The following NECTIN2 variants were observed in gnomAD, a reference collection of about 807,000 sequenced individuals.
The protein encoded by NECTIN2 is nectin cell adhesion molecule 2.
NECTIN2 carries 23 observed loss-of-function variants against 56.9 expected under a neutral mutation model. That is an observed-to-expected ratio of 0.40 (90% CI 0.29 to 0.57). NECTIN2 has a LOEUF of 0.57. NECTIN2 is among the 20% of genes least tolerant of loss of function. The pLI, the probability that NECTIN2 is intolerant of heterozygous loss-of-function variation, is 0.38. For missense variants in NECTIN2, 587 were observed against 718.3 expected, an observed-to-expected ratio of 0.82 and a Z score of 2.09; for synonymous variants, 302 against 313.8, an observed-to-expected ratio of 0.96 and a Z score of 0.40.
rs1442525304 is a variant in NECTIN2, at chr19:44,874,561, G to C, written c.1042+83G>C. The C allele has an allele frequency of 5.8e-6, 9 of 1,554,456 alleles. No homozygotes were observed. Among genetic ancestry groups the C allele is most frequent in the Non-Finnish European group, 6.1e-6 (7 of 1,143,206 alleles). On this transcript the variant is annotated intron_variant, in intron 5 of 8. Transcript: ENST00000252483. This position sits in a 1 kb window ranked among gnomAD's most constrained non-coding sequence, Gnocchi z 6.3. Reference sequence around the variant, plus strand: ...CCCTTCAGGACTTGGGGCTGCACTGGGGGAGGCTGCGCCGCCGACCTGGGA... The same window carrying C: ...CCCTTCAGGACTTGGGGCTGCACTGCGGGAGGCTGCGCCGCCGACCTGGGA...
intron 6 of NECTIN2, among the ~76,000 whole-genome samples, chr19:44,884,015 T>C (rs1969334542): frequency 6.9e-6 from 1 of 145,878 alleles, no homozygotes; most frequent in African/African-American, 2.6e-5. Flanking sequence ...GCTACTTGGG[T>C]GGGCTGAGGT....
At chr19:44,881,794 C>T (rs565181611) in intron 5 of NECTIN2, among the ~76,000 whole-genome samples, 1 of 152,314 alleles carries the variant, frequency 6.6e-6, no homozygotes, top group African/African-American at 2.4e-5. Flanking sequence ...TCTTTCAGGC[C>T]CTTGCTCAGT....
At chr19:44,868,656 G>A (rs943640023) in intron 2 of NECTIN2, among the ~76,000 whole-genome samples, 4 of 151,710 alleles carry the variant, frequency 2.6e-5, no homozygotes, top group African/African-American at 7.3e-5. Flanking sequence ...GCTCACTCCT[G>A]TAATCCCAGC....
chr19:44,863,804 T>C (rs1046691042), intron 1 of NECTIN2, among the ~76,000 whole-genome samples: 1 of 147,834 alleles, frequency 6.8e-6, no homozygotes, highest in African/African-American at 2.5e-5. Context: ...ATTGCTCCAC[T>C]GCACCCCAGC....
chr19:44,884,873 G>A (rs34342646), intron 6 of NECTIN2, among the ~76,000 whole-genome samples: 16,529 of 152,220 alleles, frequency 0.11, 1,113 homozygotes, highest in Non-Finnish European at 0.15. Context: ...TAATTTGAGG[G>A]ACAGGAAGGC....
rs1899547973 is a variant in NECTIN2, at chr19:44,875,870, G to A, written c.1042+1392G>A. 1.3e-5 allele frequency among the ~76,000 whole-genome samples: 2 copies of A among 152,210 alleles called. No homozygotes were observed. Among genetic ancestry groups the A allele is most frequent in the South Asian group, 4.1e-4 (2 of 4,830 alleles). ...CCTACGGGAAACACTGTCACAGACA[G>A]CAAACCCAGAGAGACAGCTGTCCCG... On this transcript the variant is annotated intron_variant, in intron 5 of 8. Transcript: ENST00000252483. This position sits in a 1 kb window ranked among gnomAD's most constrained non-coding sequence, Gnocchi z 4.2.
intron 1 of NECTIN2, among the ~76,000 whole-genome samples, chr19:44,854,150 G>T (rs999791646): frequency 2.0e-4 from 30 of 151,996 alleles, no homozygotes; most frequent in African/African-American, 7.3e-4. Context: ...CTGTCACCCA[G>T]GCTGGAGTGC....
At chr19:44,847,362 C>A (rs927922871) in intron 1 of NECTIN2, among the ~76,000 whole-genome samples, 6 of 152,078 alleles carry the variant, frequency 3.9e-5, no homozygotes, top group African/African-American at 1.4e-4. Flanking sequence ...GAGAGAGGAT[C>A]AAACTTGTAG....
At chr19:44,864,689 A>G (rs917496371) in intron 1 of NECTIN2, among the ~76,000 whole-genome samples, 4 of 152,108 alleles carry the variant, frequency 2.6e-5, no homozygotes, top group South Asian at 2.1e-4. Context: ...TTAGCCAGGC[A>G]TGGTGGCAGG....
In NECTIN2 at chr19:44,846,499, C is replaced by T; in HGVS notation, c.-27C>T. ...ACAGAGTGGCCCGCGGGCCTCCGGC[C>T]GGGCCCAGTCCCCTCCCGGGCCCTC... On this transcript the variant is annotated 5_prime_UTR_variant, in exon 1 of 9. Coordinates refer to ENST00000252483, the MANE Select transcript of NECTIN2 (RefSeq NM_001042724.2). 6.9e-7 allele frequency: 1 copy of T among 1,445,662 alleles called. No homozygotes were observed. The highest frequency in any genetic ancestry group is 9.0e-7 in the Non-Finnish European group (1 of 1,109,200). 89.6% of individuals were successfully genotyped at this position (1,445,662 alleles called of 1,614,324 possible). A position where few individuals can be genotyped will look rare whatever the true frequency, so the allele number is the denominator to read the frequency against.
At chr19:44,882,782 CAT>C (rs755053508) in intron 6 of NECTIN2, among the ~76,000 whole-genome samples, 3 of 68,038 alleles carry the variant, frequency 4.4e-5, no homozygotes, top group Non-Finnish European at 4.8e-5. Flanking sequence ...GATCCTACTA[CAT>C]TTTTTTTTTT....
intron 2 of NECTIN2, among the ~76,000 whole-genome samples, chr19:44,866,469 T>G (rs948356852): frequency 1.8e-4 from 28 of 151,970 alleles, no homozygotes; most frequent in African/African-American, 6.8e-4. Context: ...GAGGGCCAAG[T>G]TGCAATTCTA....
chr19:44,868,893 C>T (rs1368988095), intron 2 of NECTIN2, among the ~76,000 whole-genome samples: 2 of 149,436 alleles, frequency 1.3e-5, no homozygotes, highest in Non-Finnish European at 3.0e-5. Context: ...GCCTGGGCGA[C>T]AGAGTGAGAC....
intron 1 of NECTIN2, among the ~76,000 whole-genome samples, chr19:44,860,973 C>T (rs547934469): frequency 2.1e-4 from 31 of 149,906 alleles, no homozygotes; most frequent in Non-Finnish European, 3.6e-4. Context: ...AAAAAAACTA[C>T]GTAAAAAATG....
rs1436829022 is a variant in NECTIN2 at position 44,888,281 on chromosome 19, G to A, written c.1519G>A (p.Asp507Asn). The change falls in exon 9 of 9, where the codon GAC becomes AAC. Residue 507 changes from aspartate (D) to asparagine (N), a missense_variant. Coordinates refer to ENST00000252483, the MANE Select transcript of NECTIN2 (RefSeq NM_001042724.2). ...EEGEEEEEYLDKINPIYDALS... is the reference protein window; with the variant it reads ...EEGEEEEEYLNKINPIYDALS... ...GGGGGAGGAGGAGGAAGAGTATCTG[G>A]ACAAGATCAACCCCATCTATGATGC... 3.7e-6 allele frequency: 6 copies of A among 1,613,934 alleles called. No homozygotes were observed. In the Admixed American group the frequency reaches 8.3e-5, roughly 22 times the overall value.
Position 44,886,126 on chromosome 19 carries a change from A to G in NECTIN2, c.1261-7A>G. The G allele has an allele frequency of 6.2e-7, 1 of 1,609,886 alleles. No homozygotes were observed. The highest frequency in any genetic ancestry group is 8.5e-7 in the Non-Finnish European group (1 of 1,176,548). ...TTCCTGACCTCCCCGCCCCTCTCCCACTACAGCCCTCCCAGCTCTTCACTC... is the reference window on the plus strand; with the variant it reads ...TTCCTGACCTCCCCGCCCCTCTCCCGCTACAGCCCTCCCAGCTCTTCACTC... On this transcript the variant is annotated splice_region_variant and splice_polypyrimidine_tract_variant and intron_variant, in intron 7 of 8. Transcript: ENST00000252483.
chr19:44,856,332 C>T (rs538990441), intron 1 of NECTIN2, among the ~76,000 whole-genome samples: 2 of 152,268 alleles, frequency 1.3e-5, no homozygotes, highest in South Asian at 2.1e-4. Flanking sequence ...TAGCCTCCTC[C>T]CCAACACTCA....
chr19:44,876,701 G>A (rs561237205), intron 5 of NECTIN2, among the ~76,000 whole-genome samples: 1 of 152,184 alleles, frequency 6.6e-6, no homozygotes, highest in East Asian at 1.9e-4. Context: ...CATAGGATAC[G>A]AACGCCGCAC....
chr19:44,862,876 G>A (rs951096850), intron 1 of NECTIN2, among the ~76,000 whole-genome samples: 4 of 151,470 alleles, frequency 2.6e-5, no homozygotes, highest in Admixed American at 6.6e-5. Flanking sequence ...TTGGCCGGGC[G>A]CGGTGGCTCA....
Sources: gnomAD v4.1 joint callset for allele counts (sites outside exome capture counted in the v4.1 genomes callset) on GRCh38, gnomAD v4.1.1 for gene constraint, Gnocchi (gnomAD v3.1) non-coding constraint, MANE v1.5 for transcripts, NCBI Gene and HGNC (gene_info 2026-07-23, HGNC 2026-07-21) for gene names.